SOAT1: variants seen among roughly 807,000 people sequenced by gnomAD.
SOAT1 encodes sterol O-acyltransferase 1, also known as acyl-coenzyme A:cholesterol acyltransferase 1.
In SOAT1, 55 loss-of-function variants were observed where a neutral mutation model predicts 69.5. The ratio of observed to expected loss-of-function variants is 0.79; its 90% confidence interval spans 0.64 to 0.99. SOAT1 has a LOEUF of 0.99. Ranked by LOEUF, SOAT1 falls within the 50% of genes least tolerant of loss-of-function variation. The pLI is 0.00. For synonymous variants in SOAT1, 231 were observed against 224.7 expected (o/e 1.03, Z -0.25); for missense variants, 580 against 669.3 (o/e 0.87, Z 1.47).
rs777164093 is a variant in SOAT1 at position 179,350,419 on chromosome 1, A to G, written c.1438A>G (p.Met480Val). 7.4e-5 allele frequency: 119 copies of G among 1,613,630 alleles called. No homozygotes were observed. Among genetic ancestry groups the G allele is most frequent in the Non-Finnish European group, 9.2e-5 (108 of 1,179,946 alleles). ...CTATCCCGTGCTCTTCGTGCTCTTCATGTTCTTTGGAAGTAAGTATCTTGG... is the reference window on the plus strand; with the variant it reads ...CTATCCCGTGCTCTTCGTGCTCTTCGTGTTCTTTGGAAGTAAGTATCTTGG... ...FFYPVLFVLF[M>V]FFGMAFNFIV... is the part of the protein sequence containing the mutation. Residue 480 changes from methionine (M) to valine (V), a missense_variant, in exon 14 of 16, where the codon ATG becomes GTG. Transcript: ENST00000367619.
intron 14 of SOAT1, among the ~76,000 whole-genome samples, chr1:179,350,853 G>A (rs1293427938): frequency 6.6e-6 from 1 of 151,976 alleles, no homozygotes; most frequent in Non-Finnish European, 1.5e-5. Flanking sequence ...CTGATTTCTT[G>A]TAAGTTACTG....
At chr1:179,332,768 T>G (rs906564624) in intron 3 of SOAT1, among the ~76,000 whole-genome samples, 4 of 152,346 alleles carry the variant, frequency 2.6e-5, no homozygotes, top group Admixed American at 6.5e-5. Flanking sequence ...TTAACAAGTT[T>G]CATGTGATAG....
At chr1:179,309,758 T>G (rs1665154971) in intron 2 of SOAT1, among the ~76,000 whole-genome samples, 1 of 152,208 alleles carries the variant, frequency 6.6e-6, no homozygotes, top group South Asian at 2.1e-4. Flanking sequence ...GATTATGTAC[T>G]TTGAATATTT....
intron 1 of SOAT1, among the ~76,000 whole-genome samples, chr1:179,294,823 G>T (rs1242025006): frequency 6.6e-6 from 1 of 152,184 alleles, no homozygotes; most frequent in Non-Finnish European, 1.5e-5. Flanking sequence ...GTGAGCCACC[G>T]CGCCTGGCCT....
chr1:179,305,389 A>G (rs962549291), intron 2 of SOAT1, among the ~76,000 whole-genome samples: 1 of 146,354 alleles, frequency 6.8e-6, no homozygotes, highest in Admixed American at 7.2e-5. Context: ...CCTGAGCAGT[A>G]TGTTTTAATA....
At chr1:179,336,308 C>T (rs1666151278) in intron 4 of SOAT1, among the ~76,000 whole-genome samples, 1 of 151,224 alleles carries the variant, frequency 6.6e-6, no homozygotes, top group Non-Finnish European at 1.5e-5. Context: ...ACCAAAAATA[C>T]AACAATTAGC....
chr1:179,336,232 G>GT (rs1666148304), intron 4 of SOAT1, among the ~76,000 whole-genome samples: 2 of 151,488 alleles, frequency 1.3e-5, no homozygotes, highest in Non-Finnish European at 2.9e-5. Flanking sequence ...GGAGGGCGAG[G>GT]CGGGTGGATC....
chr1:179,348,803 TGTGTGTG>T (rs1666622097), intron 12 of SOAT1, 34 bp from the exon 13 acceptor site: 1 of 773,248 alleles, frequency 1.3e-6, no homozygotes, highest in African/African-American at 1.8e-5. Flanking sequence ...TGTGTGTGTG[TGTGTGTG>T]TGTGTAGTTT....
At chr1:179,347,967 A>G (rs759976833) in intron 12 of SOAT1, among the ~76,000 whole-genome samples, 2 of 152,232 alleles carry the variant, frequency 1.3e-5, no homozygotes, top group African/African-American at 2.4e-5. Flanking sequence ...TGATTCCAGT[A>G]GGAAACTGTT....
At chr1:179,298,003 A>C (rs1198890912) in intron 1 of SOAT1, among the ~76,000 whole-genome samples, 1 of 9,202 alleles carries the variant, frequency 1.1e-4, no homozygotes, top group Non-Finnish European at 2.1e-4. Context: ...ACTCTGTCTC[A>C]AAAAAAAAAA....
At chr1:179,340,994 C>T (rs1430804613) in intron 6 of SOAT1, 34 bp from the exon 7 acceptor site, 15 of 1,598,066 alleles carry the variant, frequency 9.4e-6, no homozygotes, top group South Asian at 3.4e-5. Context: ...AAAAATTCAC[C>T]TCTATGTTCT....
intron 15 of SOAT1, among the ~76,000 whole-genome samples, chr1:179,352,255 T>C (rs905234977): frequency 2.6e-5 from 4 of 151,874 alleles, no homozygotes; most frequent in Non-Finnish European, 5.9e-5. Flanking sequence ...GATGGCTTTT[T>C]TTTTTTTTAA....
intron 1 of SOAT1, 62 bp from the exon 2 acceptor site, chr1:179,302,615 A>T: frequency 1.1e-6 from 1 of 919,144 alleles, no homozygotes. Flanking sequence ...ACCCAGTCTC[A>T]GGTAGTGTAT....
At position 179,356,333 on chromosome 1, in the gene SOAT1, C is replaced by T. The variant is rs1450083791; in HGVS notation, c.*2692C>T. On this transcript the variant is annotated 3_prime_UTR_variant, in exon 16 of 16. Coordinates refer to ENST00000367619, the MANE Select transcript of SOAT1 (RefSeq NM_003101.6). ...ATGTGTGAGGATAAATTTGTTAGAT[C>T]CTTTTATTCTCAATCTTGGATAATG... 1 of 151,962 alleles carries T rather than the reference C, an allele frequency of 6.6e-6. No homozygotes were observed. The highest frequency in any genetic ancestry group is 6.6e-5 in the Admixed American group (1 of 15,242). 9.4% of individuals were successfully genotyped at this position (151,962 alleles called of 1,614,324 possible).
chr1:179,308,211 A>G (rs1184463575), intron 2 of SOAT1, among the ~76,000 whole-genome samples: 1 of 152,156 alleles, frequency 6.6e-6, no homozygotes, highest in Non-Finnish European at 1.5e-5. Context: ...ATCCTCTAAT[A>G]TTCCTACCAG....
rs1007939335 is a variant in SOAT1, at chr1:179,301,079, G to A, written c.-8-1598G>A. On this transcript the variant is annotated intron_variant, in intron 1 of 15. Coordinates refer to ENST00000367619, the MANE Select transcript of SOAT1 (RefSeq NM_003101.6). Reference sequence around the variant, plus strand: ...CATTGCACTCCCACCTGGGCAAAGCGATACTCCTTCTCAATAAATAAATAA... The same window carrying A: ...CATTGCACTCCCACCTGGGCAAAGCAATACTCCTTCTCAATAAATAAATAA... Among the ~76,000 whole-genome samples, 3 of 152,014 alleles carry A rather than the reference G, an allele frequency of 2.0e-5. No individual in the cohort carries two copies. In the South Asian group the frequency reaches 6.2e-4, roughly 31 times the overall value.
rs551684441 is a variant in SOAT1, at chr1:179,346,488, A to G, written c.1118-1112A>G. Among the ~76,000 whole-genome samples the G allele has an allele frequency of 6.6e-5, 10 of 152,314 alleles. 1 individual carries two copies. In the East Asian group the frequency reaches 1.9e-3, roughly 29 times the overall value. ...AAATAGGTAGGTATTTGCCTGGCAG[A>G]GAATTGGTGGAAAGGTCATTCTAGG... On this transcript the variant is annotated intron_variant, in intron 11 of 15. Transcript: ENST00000367619.
chr1:179,302,966 T>C (rs1302667649), intron 2 of SOAT1, among the ~76,000 whole-genome samples, 164 bp downstream of exon 2: 1 of 152,228 alleles, frequency 6.6e-6, no homozygotes, highest in Non-Finnish European at 1.5e-5. Flanking sequence ...CCTTTCTCGT[T>C]AATTAATTTG....
chr1:179,354,923 T>A lies in SOAT1; in HGVS notation c.*1282T>A, dbSNP rs1666859518. On this transcript the variant is annotated 3_prime_UTR_variant, in exon 16 of 16. Coordinates refer to ENST00000367619, the MANE Select transcript of SOAT1 (RefSeq NM_003101.6). ...ATTTATGAATTATTTAAATGATAGT[T>A]GTTACTTGGAACAGCCACTTGAGAG... 6.6e-6 allele frequency: 1 copy of A among 152,210 alleles called. No homozygotes were observed. The highest frequency in any genetic ancestry group is 2.1e-4 in the South Asian group (1 of 4,836). 9.4% of individuals were successfully genotyped at this position (152,210 alleles called of 1,614,324 possible).
Sources: gnomAD v4.1 joint callset for allele counts (sites outside exome capture counted in the v4.1 genomes callset) on GRCh38, gnomAD v4.1.1 for gene constraint, MANE v1.5 for transcripts, NCBI Gene and HGNC (gene_info 2026-07-23, HGNC 2026-07-21) for gene names.